The following PPFIA2 variants were observed in gnomAD, a reference collection of about 807,000 sequenced individuals.
PPFIA2 encodes liprin-alpha-2.
A neutral mutation model predicts 175.5 loss-of-function variants in PPFIA2; 46 were observed. The observed-to-expected ratio is 0.26, with a 90% CI of 0.21 to 0.34. The LOEUF is 0.34. Ranked by LOEUF, PPFIA2 falls within the 10% of genes least tolerant of loss-of-function variation. The probability of loss-of-function intolerance (pLI) is 1.00; values close to 1 mark genes in which losing one functional copy is unlikely to be tolerated. For synonymous variants in PPFIA2, 568 were observed against 511.4 expected (o/e 1.11, Z -1.49); for missense variants, 1,179 against 1,506.1 (o/e 0.78, Z 3.60).
intron 4 of PPFIA2, among the ~76,000 whole-genome samples, chr12:81,603,863 C>T (rs2060032523): frequency 6.8e-6 from 1 of 147,050 alleles, no homozygotes; most frequent in South Asian, 2.1e-4. Flanking sequence ...TCCATTACAC[C>T]TGTCCCTTAC....
intron 5 of PPFIA2, among the ~76,000 whole-genome samples, chr12:81,449,908 C>T (rs1441694242): frequency 1.3e-5 from 2 of 151,026 alleles, no homozygotes; most frequent in Non-Finnish European, 2.9e-5. Context: ...TTTGTCCTTG[C>T]AATAGTTTGC....
intron 4 of PPFIA2, chr12:81,535,365 C>T (rs976961918): frequency 2.2e-6 from 1 of 455,000 alleles, no homozygotes; most frequent in Admixed American, 2.4e-5. Flanking sequence ...AAGGCCAGAT[C>T]TATAGTCACC....
intron 4 of PPFIA2, among the ~76,000 whole-genome samples, chr12:81,567,512 A>G (rs1267339922): frequency 1.3e-5 from 2 of 152,140 alleles, no homozygotes; most frequent in Non-Finnish European, 2.9e-5. Context: ...TGGGGCTTTG[A>G]TCCATGTAAT....
intron 3 of PPFIA2, among the ~76,000 whole-genome samples, chr12:81,692,726 T>C (rs2075399225): frequency 6.6e-6 from 1 of 152,120 alleles, no homozygotes; most frequent in African/African-American, 2.4e-5. Flanking sequence ...TCAATATGAA[T>C]CATAAAATTG....
At chr12:81,419,307 A>G (rs1319089175) in intron 7 of PPFIA2, among the ~76,000 whole-genome samples, 1 of 152,102 alleles carries the variant, frequency 6.6e-6, no homozygotes, top group East Asian at 1.9e-4. Context: ...TGTTTGCAAC[A>G]TCAGTCTGAA....
chr12:81,667,396 T>C (rs2153558829), intron 4 of PPFIA2, among the ~76,000 whole-genome samples: 1 of 152,170 alleles, frequency 6.6e-6, no homozygotes, highest in Middle Eastern at 3.4e-3. Flanking sequence ...GTTAGCACCT[T>C]TCTTGAAAAC....
chr12:81,440,109 T>A, intron 6 of PPFIA2, 63 bp from the exon 7 acceptor site: 2 of 1,228,430 alleles, frequency 1.6e-6, no homozygotes, highest in Non-Finnish European at 2.3e-6. Context: ...CTGTGCTGAA[T>A]CCATAATTAA....
chr12:81,332,534 A>T (rs1724714142), intron 21 of PPFIA2, among the ~76,000 whole-genome samples: 1 of 152,024 alleles, frequency 6.6e-6, no homozygotes, highest in South Asian at 2.1e-4. Context: ...CTCTCCAAAC[A>T]TTATGTCTGT....
At chr12:81,388,350 G>T (rs930112496) in intron 8 of PPFIA2, among the ~76,000 whole-genome samples, 2 of 152,076 alleles carry the variant, frequency 1.3e-5, no homozygotes, top group Non-Finnish European at 2.9e-5. Context: ...TACAATGAAT[G>T]AATCACAAAA....
chr12:81,686,438 G>A (rs2074429668), intron 3 of PPFIA2, among the ~76,000 whole-genome samples: 1 of 152,136 alleles, frequency 6.6e-6, no homozygotes, highest in Non-Finnish European at 1.5e-5. Context: ...AAGTGCCAGA[G>A]ATTCAGGTTC....
At chr12:81,490,568 C>T (rs190436476) in intron 4 of PPFIA2, among the ~76,000 whole-genome samples, 2 of 152,044 alleles carry the variant, frequency 1.3e-5, no homozygotes, top group Admixed American at 6.6e-5. Flanking sequence ...GCTCCTATGG[C>T]GTTCTGGATG....
intron 8 of PPFIA2, among the ~76,000 whole-genome samples, chr12:81,403,710 T>C (rs774074527): frequency 3.6e-4 from 55 of 152,218 alleles, no homozygotes; most frequent in Admixed American, 2.3e-3. Context: ...AACACTCAAC[T>C]GGTAAGGGAA....
chr12:81,637,261 T>A lies in PPFIA2; in HGVS notation c.303+39530A>T, dbSNP rs1225983352. Among the ~76,000 whole-genome samples, 15 of 70,308 alleles carry A rather than the reference T, an allele frequency of 2.1e-4. 2 individuals carry two copies. The highest frequency in any genetic ancestry group is 6.4e-4 in the African/African-American group (15 of 23,348). The allele number at this position is 70,308 out of a possible 152,430, so 46.1% of individuals were successfully genotyped here. On this transcript the variant is annotated intron_variant, in intron 4 of 32. Transcript: ENST00000549396. ...ATTTTTTTTTTTTTTTTTTTTTTTT[T>A]TTTTTTTTTTTTTTTTTTTTTTAGT...
At chr12:81,643,465 A>G (rs1327748984) in intron 4 of PPFIA2, among the ~76,000 whole-genome samples, 2 of 152,028 alleles carry the variant, frequency 1.3e-5, no homozygotes, top group Non-Finnish European at 2.9e-5. Context: ...GCAACAAATT[A>G]TGAATGAAAA....
chr12:81,376,597 A>G (rs2036415752), intron 9 of PPFIA2, among the ~76,000 whole-genome samples: 2 of 152,340 alleles, frequency 1.3e-5, no homozygotes, highest in South Asian at 4.1e-4. Context: ...ATAATATTTT[A>G]AACAGTAATT....
chr12:81,464,884 G>GAAAA (rs11422177), intron 4 of PPFIA2, among the ~76,000 whole-genome samples: 18 of 145,610 alleles, frequency 1.2e-4, no homozygotes, highest in African/African-American at 4.0e-4. Context: ...AATAGAGCTG[G>GAAAA]AAAAAAAAAA....
intron 4 of PPFIA2, among the ~76,000 whole-genome samples, chr12:81,534,348 C>G (rs2065073011): frequency 6.6e-6 from 1 of 151,558 alleles, no homozygotes; most frequent in African/African-American, 2.4e-5. Flanking sequence ...AAAACGTTCC[C>G]ACCACATAAA....
intron 3 of PPFIA2, among the ~76,000 whole-genome samples, chr12:81,723,018 A>G (rs943101411): frequency 4.0e-5 from 6 of 151,090 alleles, no homozygotes; most frequent in African/African-American, 1.5e-4. Flanking sequence ...AGAACAGGAC[A>G]TAACCTAAGA....
chr12:81,546,572 A>G (rs1433979478), intron 4 of PPFIA2: 1 of 152,146 alleles, frequency 6.6e-6, no homozygotes, highest in East Asian at 1.9e-4. Context: ...CCCACTACCA[A>G]TCGCCCAATT....
Sources: gnomAD v4.1 joint callset for allele counts (sites outside exome capture counted in the v4.1 genomes callset) on GRCh38, gnomAD v4.1.1 for gene constraint, MANE v1.5 for transcripts, NCBI Gene and HGNC (gene_info 2026-07-23, HGNC 2026-07-21) for gene names.